PRKN: variants seen among roughly 807,000 people sequenced by gnomAD.
PRKN encodes parkin RBR E3 ubiquitin protein ligase.
A neutral mutation model predicts 59.5 loss-of-function variants in PRKN; 56 were observed. The ratio of observed to expected loss-of-function variants is 0.94; its 90% CI spans 0.76 to 1.18. The LOEUF (loss-of-function observed/expected upper bound fraction) is 1.18, where lower values mean the gene tolerates loss of function less well. PRKN is among the 50% of genes most tolerant of loss of function. PRKN has a pLI of 0.00. For synonymous variants in PRKN, 250 were observed against 222.1 expected (o/e 1.13, Z -1.12); for missense variants, 657 against 596.4 (o/e 1.10, Z -1.06).
At chr6:162,036,050 C>T (rs1229152176) in intron 5 of PRKN, among the ~76,000 whole-genome samples, 2 of 152,082 alleles carry the variant, frequency 1.3e-5, no homozygotes, top group African/African-American at 2.4e-5. Flanking sequence ...TACGGCCGGG[C>T]GCGGTGGCTC....
chr6:161,585,456 T>C (rs1225871368), intron 7 of PRKN, among the ~76,000 whole-genome samples: 4 of 152,224 alleles, frequency 2.6e-5, no homozygotes, highest in Non-Finnish European at 5.9e-5. Context: ...CTTTTGCAGA[T>C]AGATATGTCA....
At chr6:162,257,253 C>T (rs1779673878) in intron 3 of PRKN, among the ~76,000 whole-genome samples, 1 of 152,106 alleles carries the variant, frequency 6.6e-6, no homozygotes, top group African/African-American at 2.4e-5. Context: ...AGTGGATTAC[C>T]TGAGGTCAGT....
At chr6:162,156,032 G>A (rs1225188374) in intron 4 of PRKN, among the ~76,000 whole-genome samples, 3 of 151,922 alleles carry the variant, frequency 2.0e-5, no homozygotes, top group African/African-American at 7.3e-5. Flanking sequence ...TGAGGAAAAT[G>A]AGTCATAAAT....
At chr6:162,202,650 CATA>C (rs1374181136) in intron 3 of PRKN, among the ~76,000 whole-genome samples, 1 of 151,958 alleles carries the variant, frequency 6.6e-6, no homozygotes, top group East Asian at 1.9e-4. Context: ...TGTTAGCAAA[CATA>C]ATAATGACAT....
intron 1 of PRKN, among the ~76,000 whole-genome samples, chr6:162,610,468 T>A (rs1444549881): frequency 6.6e-6 from 1 of 152,218 alleles, no homozygotes; most frequent in Non-Finnish European, 1.5e-5. Flanking sequence ...CCTGCTACGA[T>A]TCCTCACCAG....
chr6:162,184,896 C>T (rs1360015562), intron 4 of PRKN, among the ~76,000 whole-genome samples: 1 of 152,174 alleles, frequency 6.6e-6, no homozygotes, highest in Admixed American at 6.5e-5. Flanking sequence ...TTTAACAATA[C>T]GAGTTTCTGT....
At chr6:161,910,320 T>C (rs1778307926) in intron 6 of PRKN, among the ~76,000 whole-genome samples, 1 of 152,280 alleles carries the variant, frequency 6.6e-6, no homozygotes, top group East Asian at 1.9e-4. Flanking sequence ...AGTGGCACAA[T>C]CTCGACTCAC....
chr6:161,886,851 A>C (rs1340758931), intron 6 of PRKN, among the ~76,000 whole-genome samples: 1 of 152,090 alleles, frequency 6.6e-6, no homozygotes, highest in Non-Finnish European at 1.5e-5. Context: ...TCGTGAAAGA[A>C]GAAAAGCTAT....
Position 162,440,395 on chromosome 6 carries a change from C to A in PRKN, c.171+2915G>T, listed in dbSNP as rs565835175. Among the ~76,000 whole-genome samples the A allele has an allele frequency of 9.9e-5, 15 of 152,214 alleles. No homozygotes were observed. The East Asian group carries it at 2.9e-3, about 29-fold the overall frequency. ...ACTGTGGTCTCAAGCTATAGTTCCC[C>A]AAAGTACCTGAGGTGAGGCACTAAA... On this transcript the variant is annotated intron_variant, in intron 2 of 11. Transcript: ENST00000366898.
intron 3 of PRKN, among the ~76,000 whole-genome samples, chr6:162,205,620 A>AT (rs1280816468): frequency 6.6e-6 from 1 of 152,174 alleles, no homozygotes; most frequent in Non-Finnish European, 1.5e-5. Context: ...AACAGGACGG[A>AT]TTTTAAGTGA....
chr6:162,515,138 A>G (rs1777791221), intron 1 of PRKN, among the ~76,000 whole-genome samples: 1 of 150,224 alleles, frequency 6.7e-6, no homozygotes, highest in African/African-American at 2.5e-5. Context: ...ACTGGAGTGC[A>G]ATGGTGTAAT....
chr6:162,028,728 A>G (rs928280960), intron 5 of PRKN, among the ~76,000 whole-genome samples: 6 of 152,226 alleles, frequency 3.9e-5, no homozygotes, highest in African/African-American at 1.4e-4. Context: ...TGGCTTGGGA[A>G]TATTGGGAGC....
At chr6:162,662,508 C>G (rs1188566368) in intron 1 of PRKN, among the ~76,000 whole-genome samples, 1 of 152,078 alleles carries the variant, frequency 6.6e-6, no homozygotes, top group Admixed American at 6.6e-5. Context: ...AACCCATGTC[C>G]AGAAGAGTTT....
chr6:162,102,478 A>C (rs967063013), intron 4 of PRKN, among the ~76,000 whole-genome samples: 2 of 152,378 alleles, frequency 1.3e-5, no homozygotes, highest in East Asian at 1.9e-4. Context: ...TTACATTATT[A>C]ATCTTAAAAG....
In PRKN at chr6:161,362,321, G is replaced by C. The variant is rs367960181; in HGVS notation, c.1168-2116C>G. Reference sequence around the variant, plus strand: ...CAAATCCTCCTGGTTCGGGAGGAAGGAACCTGGCATTTGCTGTGGGGCTAT... The same window carrying C: ...CAAATCCTCCTGGTTCGGGAGGAAGCAACCTGGCATTTGCTGTGGGGCTAT... On this transcript the variant is annotated intron_variant, in intron 10 of 11. Coordinates refer to ENST00000366898, the MANE Select transcript of PRKN (RefSeq NM_004562.3). This position sits in a 1 kb window ranked among gnomAD's most constrained non-coding sequence, Gnocchi z 5.2. Among the ~76,000 whole-genome samples the C allele has an allele frequency of 6.6e-6, 1 of 152,192 alleles. No homozygotes were observed.
At chr6:162,154,173 GT>G (rs1220521354) in intron 4 of PRKN, among the ~76,000 whole-genome samples, 5 of 152,214 alleles carry the variant, frequency 3.3e-5, no homozygotes, top group African/African-American at 1.2e-4. Flanking sequence ...CTGAAAAACA[GT>G]GGTCAAAGCC....
At chr6:161,836,707 T>C (rs1350877438) in intron 6 of PRKN, among the ~76,000 whole-genome samples, 1 of 152,152 alleles carries the variant, frequency 6.6e-6, no homozygotes, top group African/African-American at 2.4e-5. Context: ...GAAGCTAAAA[T>C]GTCATATCCA....
intron 1 of PRKN, among the ~76,000 whole-genome samples, chr6:162,466,697 C>T (rs1791431928): frequency 6.6e-6 from 1 of 152,030 alleles, no homozygotes; most frequent in Non-Finnish European, 1.5e-5. Flanking sequence ...CATGAGCCAC[C>T]ACATCCATTT....
At chr6:161,935,203 C>T (rs946786891) in intron 6 of PRKN, among the ~76,000 whole-genome samples, 2 of 152,036 alleles carry the variant, frequency 1.3e-5, no homozygotes, top group African/African-American at 4.8e-5. Context: ...CCAAAATAAA[C>T]TCATACTAAT....
Sources: allele counts gnomAD v4.1 joint callset (sites outside exome capture counted in the v4.1 genomes callset), GRCh38; gene constraint gnomAD v4.1.1; non-coding constraint Gnocchi (gnomAD v3.1); transcripts MANE v1.5; gene names NCBI Gene and HGNC (gene_info 2026-07-23, HGNC 2026-07-21).